Variants in TTC29 observed in about 807,000 individuals in gnomAD.
TTC29 encodes tetratricopeptide repeat domain 29, also known as tetratricopeptide repeat protein 29.
A neutral mutation model predicts 58.1 loss-of-function variants in TTC29; 49 were observed. The ratio of observed to expected loss-of-function variants is 0.84; its 90% CI spans 0.67 to 1.07. The LOEUF (loss-of-function observed/expected upper bound fraction) is 1.07. Ranked by LOEUF, TTC29 falls within the 50% of genes least tolerant of loss-of-function variation. The pLI is 0.00. For missense variants in TTC29, 582 were observed against 555.6 expected, an observed-to-expected ratio of 1.05 and a Z score of -0.48; for synonymous variants, 209 against 196.8, an observed-to-expected ratio of 1.06 and a Z score of -0.52.
At chr4:146,784,910 T>C (rs1748896956) in intron 11 of TTC29, among the ~76,000 whole-genome samples, 1 of 152,176 alleles carries the variant, frequency 6.6e-6, no homozygotes, top group South Asian at 2.1e-4. Flanking sequence ...CCTGCATTCT[T>C]AAACAGACTA....
intron 10 of TTC29, among the ~76,000 whole-genome samples, chr4:146,811,701 C>T (rs1751035901): frequency 6.6e-6 from 1 of 152,166 alleles, no homozygotes; most frequent in South Asian, 2.1e-4. Flanking sequence ...AGAGGTAAAA[C>T]ACATCTTCAA....
intron 7 of TTC29, among the ~76,000 whole-genome samples, chr4:146,870,519 A>G (rs1561205919): frequency 6.6e-6 from 1 of 152,020 alleles, no homozygotes; most frequent in Non-Finnish European, 1.5e-5. Flanking sequence ...TAAAGAATAG[A>G]AAAACCATAG....
intron 11 of TTC29, among the ~76,000 whole-genome samples, chr4:146,796,502 T>C (rs2150109698): frequency 6.6e-6 from 1 of 152,264 alleles, no homozygotes; most frequent in African/African-American, 2.4e-5. Context: ...CCATTTAATG[T>C]CTTCTAAAAC....
intron 11 of TTC29, among the ~76,000 whole-genome samples, chr4:146,784,425 G>C (rs969965853): frequency 6.6e-6 from 1 of 152,094 alleles, no homozygotes; most frequent in African/African-American, 2.4e-5. Flanking sequence ...TAGGTGCTAT[G>C]GTGTGAATGT....
intron 11 of TTC29, among the ~76,000 whole-genome samples, chr4:146,760,754 G>GTATATA (rs35281359): frequency 1.0e-3 from 123 of 117,168 alleles, no homozygotes; most frequent in African/African-American, 4.1e-3. Context: ...ATATATATGT[G>GTATATA]TATATATATA....
chr4:146,867,624 A>C (rs769550989), intron 7 of TTC29, 41 bp from the exon 8 acceptor site: 17 of 940,862 alleles, frequency 1.8e-5, no homozygotes, highest in Non-Finnish European at 2.7e-5. Context: ...TATTCAATAA[A>C]TGATTTATTA....
intron 8 of TTC29, among the ~76,000 whole-genome samples, chr4:146,835,536 G>GT (rs373060221): frequency 9.9e-5 from 15 of 151,792 alleles, no homozygotes; most frequent in South Asian, 4.2e-4. Flanking sequence ...TAGTTCATTT[G>GT]TTTTTTTTCA....
Position 146,710,751 on chromosome 4 carries a change from A to G in TTC29, c.1331-3200T>C, listed in dbSNP as rs1467425435. ...TATTTGCTTATACGATCTACATTTCAGTAGAAATTGGCACTTCTTTGTTGC... is the reference window on the plus strand; with the variant it reads ...TATTTGCTTATACGATCTACATTTCGGTAGAAATTGGCACTTCTTTGTTGC... On this transcript the variant is annotated intron_variant, in intron 11 of 12. Transcript: ENST00000325106. 2.0e-5 allele frequency among the ~76,000 whole-genome samples: 3 copies of G among 152,152 alleles called. No individual in the cohort carries two copies. The East Asian group carries it at 5.8e-4, about 29-fold the overall frequency.
chr4:146,827,202 C>T (rs1231348834), intron 9 of TTC29, among the ~76,000 whole-genome samples: 3 of 152,150 alleles, frequency 2.0e-5, no homozygotes, highest in Non-Finnish European at 4.4e-5. Context: ...TGGGCCACCA[C>T]ACCACACTGC....
At chr4:146,764,392 G>A (rs542200297) in intron 11 of TTC29, among the ~76,000 whole-genome samples, 8 of 152,086 alleles carry the variant, frequency 5.3e-5, no homozygotes, top group Admixed American at 5.2e-4. Context: ...TTGTGGCGGT[G>A]GGGAGGAGGA....
chr4:146,780,812 A>G (rs1748539232), intron 11 of TTC29, among the ~76,000 whole-genome samples: 1 of 152,090 alleles, frequency 6.6e-6, no homozygotes, highest in Non-Finnish European at 1.5e-5. Context: ...ATCAGAGAGT[A>G]AATGATGGCT....
chr4:146,907,352 T>C (rs1395741432), intron 5 of TTC29, among the ~76,000 whole-genome samples: 1 of 152,154 alleles, frequency 6.6e-6, no homozygotes, highest in African/African-American at 2.4e-5. Flanking sequence ...CTATCTCCAA[T>C]GAAAGCCTCA....
rs1735965492 is a variant in TTC29 at position 146,937,690 on chromosome 4, G to C, written c.93-13C>G. On this transcript the variant is annotated splice_polypyrimidine_tract_variant and intron_variant, in intron 3 of 12. Coordinates refer to ENST00000325106, the MANE Select transcript of TTC29 (RefSeq NM_031956.4). ...GATCAATTGAGACCTAAATGAAATA[G>C]AAAGAAATAATAAAGCACAGCCTTA... 3 of 1,417,010 alleles carry C rather than the reference G, an allele frequency of 2.1e-6. No homozygotes were observed. The highest frequency in any genetic ancestry group is 2.9e-6 in the Non-Finnish European group (3 of 1,043,946). 87.8% of individuals were successfully genotyped at this position (1,417,010 alleles called of 1,614,324 possible). A position where few individuals can be genotyped will look rare whatever the true frequency, so the allele number is the denominator to read the frequency against.
intron 8 of TTC29, among the ~76,000 whole-genome samples, chr4:146,861,287 T>C (rs1730216240): frequency 6.6e-6 from 1 of 152,176 alleles, no homozygotes; most frequent in South Asian, 2.1e-4. Context: ...TTTCAAATCT[T>C]AGGACCTTAT....
At chr4:146,724,665 C>G (rs905765472) in intron 11 of TTC29, among the ~76,000 whole-genome samples, 4 of 151,970 alleles carry the variant, frequency 2.6e-5, no homozygotes, top group Non-Finnish European at 4.4e-5. Context: ...AGGTGCCCAC[C>G]ACCACGCCTG....
intron 11 of TTC29, among the ~76,000 whole-genome samples, chr4:146,707,774 G>T (rs1171636491): frequency 6.6e-6 from 1 of 152,080 alleles, no homozygotes; most frequent in Non-Finnish European, 1.5e-5. Flanking sequence ...CCCCCATGAA[G>T]AAGTAGAATC....
chr4:146,808,291 T>C (rs1254165132), intron 10 of TTC29, among the ~76,000 whole-genome samples: 3 of 152,202 alleles, frequency 2.0e-5, no homozygotes, highest in Non-Finnish European at 4.4e-5. Flanking sequence ...TCATACTTAA[T>C]GGGCACAAGC....
chr4:146,787,744 A>G (rs1239685204), intron 11 of TTC29, among the ~76,000 whole-genome samples: 1 of 152,178 alleles, frequency 6.6e-6, no homozygotes, highest in African/African-American at 2.4e-5. Context: ...GTATAATGTC[A>G]TGTGTAGCAG....
At chr4:146,837,843 A>G (rs1728611232) in intron 8 of TTC29, among the ~76,000 whole-genome samples, 1 of 151,970 alleles carries the variant, frequency 6.6e-6, no homozygotes, top group African/African-American at 2.4e-5. Context: ...TATAATATAT[A>G]AAATATAAGT....
Sources: allele counts gnomAD v4.1 joint callset (sites outside exome capture counted in the v4.1 genomes callset), GRCh38; gene constraint gnomAD v4.1.1; transcripts MANE v1.5; gene names NCBI Gene and HGNC (gene_info 2026-07-23, HGNC 2026-07-21).